C12orf50: variants seen among roughly 807,000 people sequenced by gnomAD.
C12orf50 encodes the protein uncharacterized protein C12orf50.
C12orf50 carries 35 observed loss-of-function variants against 61.6 expected under a neutral mutation model. The ratio of observed to expected loss-of-function variants is 0.57; its 90% CI spans 0.43 to 0.75. The LOEUF is 0.75. Ranked by LOEUF, C12orf50 falls within the 30% of genes least tolerant of loss-of-function variation. The pLI, the probability that C12orf50 is intolerant of heterozygous loss-of-function variation, is 0.00. For synonymous variants in C12orf50, 178 were observed against 161.5 expected (o/e 1.10, Z -0.77); for missense variants, 475 against 488.5 (o/e 0.97, Z 0.26).
At chr12:88,023,500 TA>T (rs36117349) in intron 3 of C12orf50, among the ~76,000 whole-genome samples, 4,504 of 133,730 alleles carry the variant, frequency 0.034, 185 homozygotes, top group African/African-American at 0.1. Flanking sequence ...TCGTCTCTAC[TA>T]AAAAAAAAAA....
chr12:87,996,617 C>T lies in C12orf50; in HGVS notation c.319G>A (p.Glu107Lys). The T allele has an allele frequency of 6.2e-7, 1 of 1,609,874 alleles. No individual in the cohort carries two copies. Among genetic ancestry groups the T allele is most frequent in the Middle Eastern group, 1.7e-4 (1 of 5,958 alleles). The change falls in exon 5 of 13, where the codon GAA (glutamate) becomes AAA (lysine). Residue 107 changes from glutamate (E) to lysine (K), a missense_variant. Coordinates refer to ENST00000298699, the MANE Select transcript of C12orf50 (RefSeq NM_152589.3). ...ATTGCTCTTTTTTCTTCAATTTCTT[C>T]AGGGGTCTTTGTCCATAAACTAGAA... ...DASSLWTKTP[E>K]EIEEKRAIKE...
chr12:88,024,591 G>T (rs545900637), intron 3 of C12orf50, among the ~76,000 whole-genome samples: 6 of 152,010 alleles, frequency 3.9e-5, no homozygotes, highest in Non-Finnish European at 8.8e-5. Flanking sequence ...CCAAAGAGAG[G>T]GACAACAGAT....
chr12:88,027,896 T>C (rs2032764922), intron 1 of C12orf50: 1 of 152,144 alleles, frequency 6.6e-6, no homozygotes, highest in Non-Finnish European at 1.5e-5. Context: ...TCTCTCCCCC[T>C]TGTTAAAGTA....
At chr12:87,981,841 TC>T (rs1048729085) in intron 12 of C12orf50, among the ~76,000 whole-genome samples, 2 of 151,914 alleles carry the variant, frequency 1.3e-5, no homozygotes, top group Non-Finnish European at 2.9e-5. Context: ...TGGCTTGTCT[TC>T]CCCCTAACCC....
chr12:88,002,483 G>A (rs1592664601), intron 3 of C12orf50, among the ~76,000 whole-genome samples: 1 of 151,792 alleles, frequency 6.6e-6, no homozygotes, highest in East Asian at 1.9e-4. Flanking sequence ...TTTTGCTGAT[G>A]TCTGTTAGGT....
intron 6 of C12orf50, 109 bp downstream of exon 6, chr12:87,996,265 G>C: frequency 2.6e-6 from 2 of 767,838 alleles, no homozygotes; most frequent in South Asian, 1.8e-5. Flanking sequence ...GCTCAATTAC[G>C]ATGTATTATT....
intron 7 of C12orf50, among the ~76,000 whole-genome samples, chr12:87,992,520 C>A (rs941722693): frequency 3.3e-5 from 5 of 152,048 alleles, no homozygotes; most frequent in Non-Finnish European, 7.4e-5. Context: ...TGGTATATAT[C>A]TATCTATCTA....
At chr12:87,982,052 T>G (rs1592640749) in intron 12 of C12orf50, among the ~76,000 whole-genome samples, 1 of 152,160 alleles carries the variant, frequency 6.6e-6, no homozygotes, top group East Asian at 1.9e-4. Flanking sequence ...AGAAGGCTAC[T>G]GAAAGACAAG....
chr12:88,028,875 T>C (rs891835330), intron 1 of C12orf50, among the ~76,000 whole-genome samples: 2 of 152,144 alleles, frequency 1.3e-5, no homozygotes, highest in African/African-American at 4.8e-5. Context: ...TTTTAAATTA[T>C]CTCAGATTTC....
chr12:88,010,202 A>G lies in C12orf50; in HGVS notation c.134-12012T>C, dbSNP rs368674836. 3.5e-4 allele frequency among the ~76,000 whole-genome samples: 53 copies of G among 152,080 alleles called. 2 individuals are homozygous for G. In the South Asian group the frequency reaches 0.011, roughly 30 times the overall value. ...TTGTTTATCCTGTGGCCAGTGCTAG[A>G]CTGTCCTAATCTCTATCACTTCATA... is the stretch of plus-strand genomic sequence containing the variant. On this transcript the variant is annotated intron_variant, in intron 3 of 12. Coordinates refer to ENST00000298699, the MANE Select transcript of C12orf50 (RefSeq NM_152589.3).
At chr12:88,021,580 G>A (rs978456623) in intron 3 of C12orf50, among the ~76,000 whole-genome samples, 1 of 152,088 alleles carries the variant, frequency 6.6e-6, no homozygotes. Context: ...AGAGGTTGCA[G>A]TGAGCCAAGA....
At chr12:88,013,218 T>G (rs923724190) in intron 3 of C12orf50, among the ~76,000 whole-genome samples, 1 of 151,430 alleles carries the variant, frequency 6.6e-6, no homozygotes, top group Non-Finnish European at 1.5e-5. Flanking sequence ...GGAAAAAAAA[T>G]AAAACTAACA....
intron 3 of C12orf50, among the ~76,000 whole-genome samples, chr12:88,000,336 T>C (rs1005015052): frequency 1.3e-5 from 2 of 152,116 alleles, no homozygotes; most frequent in African/African-American, 2.4e-5. Context: ...CAATTGAGCA[T>C]AAACTGATTG....
intron 1 of C12orf50, among the ~76,000 whole-genome samples, chr12:88,028,892 G>A (rs755961047): frequency 7.2e-5 from 11 of 152,086 alleles, no homozygotes; most frequent in Non-Finnish European, 1.3e-4. Context: ...TTTCTTCAGA[G>A]AAATTCAGTA....
chr12:88,017,237 T>C (rs1373821117), intron 3 of C12orf50, among the ~76,000 whole-genome samples: 1 of 152,148 alleles, frequency 6.6e-6, no homozygotes, highest in Non-Finnish European at 1.5e-5. Flanking sequence ...GGGGCGGGTC[T>C]TTTCTGTGCC....
At chr12:88,009,026 T>C (rs2031998268) in intron 3 of C12orf50, among the ~76,000 whole-genome samples, 1 of 152,148 alleles carries the variant, frequency 6.6e-6, no homozygotes, top group African/African-American at 2.4e-5. Context: ...TGTACCACAC[T>C]TTATTTATGC....
intron 11 of C12orf50, chr12:87,984,728 G>A (rs1289916172): frequency 6.6e-6 from 1 of 152,104 alleles, no homozygotes; most frequent in Non-Finnish European, 1.5e-5. Context: ...CCAATAATTT[G>A]CATTTCTCTT....
At chr12:87,986,458 T>G (rs1239920825) in intron 9 of C12orf50, 42 bp from the exon 10 acceptor site, 1 of 1,378,138 alleles carries the variant, frequency 7.3e-7, no homozygotes, top group Non-Finnish European at 1.0e-6. Flanking sequence ...AAGAGATGCT[T>G]TCATCTCTGA....
chr12:88,005,911 G>GTTTTTTTTTTTTTTT (rs1491516748), intron 3 of C12orf50, among the ~76,000 whole-genome samples: 1 of 110,030 alleles, frequency 9.1e-6, no homozygotes, highest in African/African-American at 4.0e-5. Context: ...TTGTTTTTTT[G>GTTTTTTTTTTTTTTT]GTTTTTTTTT....
Sources: allele counts gnomAD v4.1 joint callset (sites outside exome capture counted in the v4.1 genomes callset), GRCh38; gene constraint gnomAD v4.1.1; transcripts MANE v1.5; gene names NCBI Gene and HGNC (gene_info 2026-07-23, HGNC 2026-07-21).